Variants in BMPR1B observed in about 807,000 individuals in gnomAD.
BMPR1B encodes the protein bone morphogenetic protein receptor type-1B.
Under a neutral mutation model 59.1 loss-of-function variants are expected in BMPR1B, and 12 were observed. That is an observed-to-expected ratio of 0.20 (90% CI 0.13 to 0.33). BMPR1B has a LOEUF of 0.33. Ranked by LOEUF, BMPR1B falls within the 10% of genes least tolerant of loss-of-function variation. The probability of loss-of-function intolerance (pLI) is 1.00; values close to 1 mark genes in which losing one functional copy is unlikely to be tolerated. For synonymous variants in BMPR1B, 237 were observed against 207.3 expected (o/e 1.14, Z -1.23); for missense variants, 550 against 610.9 (o/e 0.90, Z 1.05).
chr4:94,995,485 A>G (rs1722001336), intron 2 of BMPR1B, among the ~76,000 whole-genome samples: 2 of 152,334 alleles, frequency 1.3e-5, no homozygotes, highest in Middle Eastern at 6.8e-3. Context: ...ATTTGGATTC[A>G]TAATGTGTCA....
At chr4:94,786,704 AATTTTTTGT>A (rs1474639816) in intron 1 of BMPR1B, among the ~76,000 whole-genome samples, 6 of 141,926 alleles carry the variant, frequency 4.2e-5, no homozygotes, top group African/African-American at 1.7e-4. Flanking sequence ...ATGCCTGGTT[AATTTTTTGT>A]ATTTTTTTTT....
intron 2 of BMPR1B, among the ~76,000 whole-genome samples, chr4:94,917,537 TGG>T (rs1198167691): frequency 6.6e-6 from 1 of 152,186 alleles, no homozygotes; most frequent in Non-Finnish European, 1.5e-5. Flanking sequence ...CTGACTTCAG[TGG>T]GGTCTGTAGC....
intron 1 of BMPR1B, among the ~76,000 whole-genome samples, chr4:94,776,611 C>G (rs2510540): frequency 0.23 from 35,112 of 152,148 alleles, 4,453 homozygotes; most frequent in Middle Eastern, 0.42. Flanking sequence ...TGATATATTT[C>G]AAGCAGAATT....
intron 2 of BMPR1B, among the ~76,000 whole-genome samples, chr4:94,971,480 A>G (rs1730790050): frequency 6.6e-6 from 1 of 152,126 alleles, no homozygotes; most frequent in Non-Finnish European, 1.5e-5. Flanking sequence ...ATGGTTAAAC[A>G]TACAATATTT....
At chr4:95,099,118 CAT>C (rs1292673611) in intron 3 of BMPR1B, among the ~76,000 whole-genome samples, 1 of 152,150 alleles carries the variant, frequency 6.6e-6, no homozygotes, top group Non-Finnish European at 1.5e-5. Flanking sequence ...CACGTGTAAA[CAT>C]AACACATGAA....
chr4:95,026,760 T>A (rs1724448946), intron 3 of BMPR1B, among the ~76,000 whole-genome samples: 2 of 130,314 alleles, frequency 1.5e-5, no homozygotes, highest in Non-Finnish European at 3.2e-5. Context: ...CCTCCCTCTC[T>A]CCCTTCCATT....
intron 1 of BMPR1B, among the ~76,000 whole-genome samples, chr4:94,870,185 A>G (rs551624244): frequency 3.9e-5 from 6 of 152,174 alleles, no homozygotes; most frequent in South Asian, 2.1e-4. Context: ...GGTTCTTGCA[A>G]TGTGAACTTC....
intron 2 of BMPR1B, among the ~76,000 whole-genome samples, chr4:94,897,812 A>G (rs1217676750): frequency 7.9e-5 from 12 of 152,104 alleles, no homozygotes; most frequent in African/African-American, 1.2e-4. Flanking sequence ...TATGAGAGGA[A>G]CATCTTAATT....
At chr4:95,044,066 T>C (rs1358361442) in intron 3 of BMPR1B, among the ~76,000 whole-genome samples, 1 of 152,204 alleles carries the variant, frequency 6.6e-6, no homozygotes, top group Non-Finnish European at 1.5e-5. Context: ...ATATACTTAA[T>C]AAAATGTCTT....
chr4:94,927,632 C>A (rs1056261154), intron 2 of BMPR1B, among the ~76,000 whole-genome samples: 1 of 152,024 alleles, frequency 6.6e-6, no homozygotes, highest in Non-Finnish European at 1.5e-5. Flanking sequence ...TCCAGGATAG[C>A]AAGCCTGAAA....
At chr4:95,080,729 G>T (rs1288873937) in intron 3 of BMPR1B, among the ~76,000 whole-genome samples, 1 of 152,054 alleles carries the variant, frequency 6.6e-6, no homozygotes, top group Non-Finnish European at 1.5e-5. Context: ...CTTCACTCCA[G>T]TGTGCTCACA....
intron 1 of BMPR1B, among the ~76,000 whole-genome samples, chr4:94,782,413 A>G (rs554113153): frequency 6.6e-6 from 1 of 151,576 alleles, no homozygotes; most frequent in South Asian, 2.1e-4. Context: ...TCAAGTGATC[A>G]TCCCACCTCA....
chr4:95,008,379 A>G (rs1011138205), intron 3 of BMPR1B, among the ~76,000 whole-genome samples: 6 of 152,100 alleles, frequency 3.9e-5, no homozygotes, highest in Non-Finnish European at 8.8e-5. Context: ...GCTTCCATCC[A>G]TGGCAGATAT....
chr4:95,085,148 T>G (rs1036733520), intron 3 of BMPR1B, among the ~76,000 whole-genome samples: 1 of 152,126 alleles, frequency 6.6e-6, no homozygotes, highest in African/African-American at 2.4e-5. Context: ...GCCAGGCTGG[T>G]CTAGATTGAG....
At chr4:94,767,561 A>G (rs1360233502) in intron 1 of BMPR1B, among the ~76,000 whole-genome samples, 1 of 152,154 alleles carries the variant, frequency 6.6e-6, no homozygotes, top group African/African-American at 2.4e-5. Flanking sequence ...TCACTCCTTT[A>G]AATACTTATC....
chr4:94,897,063 G>A (rs560022847), intron 2 of BMPR1B, among the ~76,000 whole-genome samples: 22 of 152,032 alleles, frequency 1.4e-4, no homozygotes, highest in Admixed American at 2.6e-4. Flanking sequence ...GTAAATATCC[G>A]CCAGTCAGAG....
Position 94,793,186 on chromosome 4 carries a change from G to A in BMPR1B, c.-183+35118G>A, listed in dbSNP as rs189095318. 5.3e-3 allele frequency among the ~76,000 whole-genome samples: 787 copies of A among 148,714 alleles called. 5 individuals are homozygous for A. The highest frequency in any genetic ancestry group is 0.018 in the African/African-American group (742 of 40,184). On this transcript the variant is annotated intron_variant, in intron 1 of 12. Coordinates refer to ENST00000515059, the MANE Select transcript of BMPR1B (RefSeq NM_001203.3). ...TCCCCCCTTCCCCCACCCCACAACAGTCCTCAGAGTGTGATATTCCCCTTC... is the reference window on the plus strand; with the variant it reads ...TCCCCCCTTCCCCCACCCCACAACAATCCTCAGAGTGTGATATTCCCCTTC...
intron 1 of BMPR1B, among the ~76,000 whole-genome samples, chr4:94,825,151 T>G (rs146076309): frequency 6.6e-6 from 1 of 152,270 alleles, no homozygotes; most frequent in African/African-American, 2.4e-5. Context: ...CGCTAGTCTC[T>G]GACATTCTGT....
chr4:94,977,911 A>G (rs1731090620), intron 2 of BMPR1B, among the ~76,000 whole-genome samples: 1 of 152,186 alleles, frequency 6.6e-6, no homozygotes, highest in Non-Finnish European at 1.5e-5. Context: ...ATTCTTAGCT[A>G]GGTAGTTGGA....
Sources: gnomAD v4.1 joint callset for allele counts (sites outside exome capture counted in the v4.1 genomes callset) on GRCh38, gnomAD v4.1.1 for gene constraint, MANE v1.5 for transcripts, NCBI Gene and HGNC (gene_info 2026-07-23, HGNC 2026-07-21) for gene names.